UBR3: variants seen among roughly 807,000 people sequenced by gnomAD.
UBR3 encodes ubiquitin protein ligase E3 component n-recognin 3.
UBR3 carries 85 observed loss-of-function variants against 243.2 expected under a neutral mutation model. That is an observed-to-expected ratio of 0.35 (90% CI 0.29 to 0.42). UBR3 has a LOEUF of 0.42. UBR3 is among the 10% of genes least tolerant of loss of function. The probability of loss-of-function intolerance (pLI) is 1.00; values close to 1 mark genes in which losing one functional copy is unlikely to be tolerated. For missense variants in UBR3, 1,686 were observed against 2,300.8 expected (o/e 0.73, Z 5.47); for synonymous variants, 748 against 799.8 (o/e 0.94, Z 1.09).
intron 30 of UBR3, among the ~76,000 whole-genome samples, chr2:170,017,546 GACACACACACAC>G (rs34813217): frequency 1.6e-5 from 2 of 125,756 alleles, no homozygotes; most frequent in Non-Finnish European, 3.3e-5. Context: ...CACACACACA[GACACACACACAC>G]ACACACACAC....
intron 1 of UBR3, among the ~76,000 whole-genome samples, chr2:169,838,393 GTGTGTGT>G (rs1323904917): frequency 1.2e-3 from 10 of 8,398 alleles, no homozygotes; most frequent in African/African-American, 2.7e-3. Context: ...GCATTTGTGT[GTGTGTGT>G]GTGTGTGTGT....
intron 25 of UBR3, among the ~76,000 whole-genome samples, chr2:169,992,061 T>C (rs1365999075): frequency 6.6e-6 from 1 of 151,946 alleles, no homozygotes; most frequent in Non-Finnish European, 1.5e-5. Flanking sequence ...ATAACTAAAA[T>C]CAGAAATGAA....
intron 5 of UBR3, among the ~76,000 whole-genome samples, chr2:169,885,508 G>C (rs550340266): frequency 6.6e-6 from 1 of 152,140 alleles, no homozygotes; most frequent in South Asian, 2.1e-4. Flanking sequence ...AACCTAGGAG[G>C]CGGAGCTTGA....
chr2:170,005,136 A>G (rs1279389129), intron 27 of UBR3, among the ~76,000 whole-genome samples: 2 of 152,148 alleles, frequency 1.3e-5, no homozygotes, highest in African/African-American at 4.8e-5. Flanking sequence ...AGGCAGGAGA[A>G]TGGCATGAAC....
chr2:169,932,254 T>C (rs1207865072), intron 18 of UBR3, among the ~76,000 whole-genome samples: 1 of 152,000 alleles, frequency 6.6e-6, no homozygotes, highest in Non-Finnish European at 1.5e-5. Flanking sequence ...ATTTTTGTAT[T>C]TTTAGTAGAG....
intron 4 of UBR3, among the ~76,000 whole-genome samples, 198 bp downstream of exon 4, chr2:169,877,835 TA>T (rs1401800135): frequency 1.3e-5 from 2 of 152,226 alleles, no homozygotes; most frequent in Non-Finnish European, 2.9e-5. Context: ...GCATTTTTCT[TA>T]AATGGAATTT....
At chr2:169,949,507 CTG>C in intron 22 of UBR3, 96 bp from the exon 23 acceptor site, 1 of 1,101,410 alleles carries the variant, frequency 9.1e-7, no homozygotes, top group South Asian at 1.8e-5. Context: ...TTGTATGAAA[CTG>C]AGCATTCCCT....
intron 23 of UBR3, among the ~76,000 whole-genome samples, chr2:169,955,122 T>C (rs1256527311): frequency 6.6e-6 from 1 of 152,220 alleles, no homozygotes; most frequent in Non-Finnish European, 1.5e-5. Context: ...TTCTTTTCAT[T>C]GTATCCCACA....
intron 35 of UBR3, among the ~76,000 whole-genome samples, chr2:170,064,277 G>T (rs2091509425): frequency 6.6e-6 from 1 of 152,024 alleles, no homozygotes; most frequent in Non-Finnish European, 1.5e-5. Context: ...TTGTGGAATA[G>T]AAATTTTTCA....
chr2:169,859,155 G>A (rs765906156), intron 1 of UBR3, among the ~76,000 whole-genome samples: 1 of 138,066 alleles, frequency 7.2e-6, no homozygotes, highest in Non-Finnish European at 1.5e-5. Flanking sequence ...GCGTGATCTC[G>A]GCTTCACTGC....
chr2:170,035,041 T>C (rs2090787514), intron 31 of UBR3, among the ~76,000 whole-genome samples: 1 of 151,984 alleles, frequency 6.6e-6, no homozygotes, highest in South Asian at 2.1e-4. Context: ...TTTTAAGAGT[T>C]CTTTATATTT....
At chr2:170,054,881 T>C (rs1264844653) in intron 32 of UBR3, among the ~76,000 whole-genome samples, 1 of 152,192 alleles carries the variant, frequency 6.6e-6, no homozygotes, top group African/African-American at 2.4e-5. Context: ...TGAATGGCAT[T>C]AGCACTCTGG....
At chr2:170,072,364 T>C (rs965641294) in intron 35 of UBR3, among the ~76,000 whole-genome samples, 9 of 150,060 alleles carry the variant, frequency 6.0e-5, no homozygotes, top group African/African-American at 1.7e-4. Context: ...TAGGTGGGAA[T>C]TGAACAATGA....
At chr2:169,931,702 A>G (rs2086139022) in intron 18 of UBR3, among the ~76,000 whole-genome samples, 1 of 152,146 alleles carries the variant, frequency 6.6e-6, no homozygotes, top group South Asian at 2.1e-4. Flanking sequence ...GCCACATCTA[A>G]ATAGCCTCTC....
rs552058596 is a variant in UBR3 at position 169,856,903 on chromosome 2, T to C, written c.546-15333T>C. Among the ~76,000 whole-genome samples, 201 of 152,132 alleles carry C rather than the reference T, an allele frequency of 1.3e-3. 3 individuals are homozygous for C. Among genetic ancestry groups the C allele is most frequent in the African/African-American group, 4.6e-3 (193 of 41,510 alleles). Reference sequence around the variant, plus strand: ...GCTAGCATAGTATGTCATCAAACTTTTGGTCTTTGCAAATATGATAGGTAG... The same window carrying C: ...GCTAGCATAGTATGTCATCAAACTTCTGGTCTTTGCAAATATGATAGGTAG... On this transcript the variant is annotated intron_variant, in intron 1 of 38. Transcript: ENST00000272793.
At chr2:169,925,104 A>G (rs1226511765) in intron 13 of UBR3, among the ~76,000 whole-genome samples, 1 of 152,256 alleles carries the variant, frequency 6.6e-6, no homozygotes, top group Admixed American at 6.5e-5. Flanking sequence ...AGAATTAAAT[A>G]CTGATGTAGT....
At chr2:169,958,877 A>C (rs554495286) in intron 24 of UBR3, among the ~76,000 whole-genome samples, 124 of 152,296 alleles carry the variant, frequency 8.1e-4, no homozygotes, top group African/African-American at 2.7e-3. Flanking sequence ...AATAGTTTCA[A>C]ATGCTTCTAG....
At chr2:170,031,226 C>T (rs748861763) in intron 31 of UBR3, among the ~76,000 whole-genome samples, 8 of 152,050 alleles carry the variant, frequency 5.3e-5, no homozygotes, top group Non-Finnish European at 1.2e-4. Context: ...ATTACCGGTG[C>T]GCACCACTGC....
chr2:170,019,886 C>T (rs1326000930), intron 30 of UBR3, among the ~76,000 whole-genome samples: 1 of 152,080 alleles, frequency 6.6e-6, no homozygotes, highest in Non-Finnish European at 1.5e-5. Flanking sequence ...AGCATTCCTT[C>T]CACCTCAGCC....
Sources: allele counts gnomAD v4.1 joint callset (sites outside exome capture counted in the v4.1 genomes callset), GRCh38; gene constraint gnomAD v4.1.1; transcripts MANE v1.5; gene names NCBI Gene and HGNC (gene_info 2026-07-23, HGNC 2026-07-21).